DTNBP1: variants seen among roughly 807,000 people sequenced by gnomAD.
DTNBP1 encodes dysbindin.
In DTNBP1, 35 loss-of-function variants were observed where a neutral mutation model predicts 42.8. The ratio of observed to expected loss-of-function variants is 0.82; its 90% confidence interval spans 0.63 to 1.09. DTNBP1 has a LOEUF of 1.09. DTNBP1 is among the 50% of genes least tolerant of loss of function. The probability of loss-of-function intolerance (pLI) is 0.00; values close to 1 mark genes in which losing one functional copy is unlikely to be tolerated. For missense variants in DTNBP1, 457 were observed against 424.2 expected (o/e 1.08, Z -0.68); for synonymous variants, 171 against 162.2 (o/e 1.05, Z -0.41).
chr6:15,561,099 T>C lies in DTNBP1; in HGVS notation c.512-27704A>G, dbSNP rs184468821. ...TGTTACTAGAACCTAGCCTTGTCTG[T>C]TGTTTTTGAGTTTTTCCCTGCAATT... On this transcript the variant is annotated intron_variant, in intron 7 of 9. Transcript: ENST00000344537. Among the ~76,000 whole-genome samples, 28 of 152,322 alleles carry C rather than the reference T, an allele frequency of 1.8e-4. No individual in the cohort carries two copies. In the East Asian group the frequency reaches 3.9e-3, roughly 21 times the overall value.
chr6:15,543,384 C>A (rs900848828), intron 7 of DTNBP1, among the ~76,000 whole-genome samples: 1 of 152,126 alleles, frequency 6.6e-6, no homozygotes, highest in Non-Finnish European at 1.5e-5. Flanking sequence ...TCAGATTTCA[C>A]CAGTCACACA....
At chr6:15,637,100 G>A (rs994446929) in intron 4 of DTNBP1, among the ~76,000 whole-genome samples, 6 of 151,896 alleles carry the variant, frequency 4.0e-5, no homozygotes, top group Non-Finnish European at 5.9e-5. Context: ...TTAGGTAAAT[G>A]GTAAAGAAAA....
intron 3 of DTNBP1, among the ~76,000 whole-genome samples, chr6:15,640,641 A>T (rs1760289416): frequency 3.3e-5 from 5 of 152,152 alleles, no homozygotes; most frequent in African/African-American, 4.8e-5. Flanking sequence ...GTTGTACTAC[A>T]CTCTTTGAAA....
chr6:15,600,250 A>C (rs1776677525), intron 6 of DTNBP1, among the ~76,000 whole-genome samples: 1 of 152,174 alleles, frequency 6.6e-6, no homozygotes, highest in South Asian at 2.1e-4. Context: ...CAAAGATATG[A>C]GGAGACTTTG....
chr6:15,560,846 TAAG>T (rs1011074641), intron 7 of DTNBP1, among the ~76,000 whole-genome samples: 1 of 152,214 alleles, frequency 6.6e-6, no homozygotes, highest in African/African-American at 2.4e-5. Flanking sequence ...AAACCTTTAA[TAAG>T]AAGTCTACTC....
chr6:15,559,703 T>C (rs1695679637), intron 7 of DTNBP1, among the ~76,000 whole-genome samples: 1 of 152,194 alleles, frequency 6.6e-6, no homozygotes, highest in African/African-American at 2.4e-5. Flanking sequence ...CATTGGTCAG[T>C]AGAAACGGCC....
intron 6 of DTNBP1, among the ~76,000 whole-genome samples, chr6:15,607,039 C>G (rs1758101620): frequency 7.1e-6 from 1 of 141,284 alleles, no homozygotes; most frequent in African/African-American, 2.7e-5. Flanking sequence ...GAGACAGAGT[C>G]TCACTCTGTA....
intron 7 of DTNBP1, among the ~76,000 whole-genome samples, chr6:15,559,528 C>T (rs1301711748): frequency 1.3e-5 from 2 of 152,134 alleles, no homozygotes; most frequent in East Asian, 1.9e-4. Flanking sequence ...CAAAGCACTT[C>T]CCAAAGCCAA....
At chr6:15,643,029 A>C (rs1760466282) in intron 3 of DTNBP1, among the ~76,000 whole-genome samples, 1 of 152,234 alleles carries the variant, frequency 6.6e-6, no homozygotes, top group Non-Finnish European at 1.5e-5. Flanking sequence ...ACTCAACAAG[A>C]TCCAGGAAAA....
intron 1 of DTNBP1, among the ~76,000 whole-genome samples, chr6:15,653,765 G>A (rs1392448401): frequency 1.3e-5 from 2 of 152,174 alleles, no homozygotes; most frequent in Admixed American, 1.3e-4. Context: ...AATAGAAACT[G>A]AAAATATAGG....
intron 7 of DTNBP1, among the ~76,000 whole-genome samples, chr6:15,567,366 T>C (rs1225438499): frequency 6.6e-6 from 1 of 152,088 alleles, no homozygotes; most frequent in Non-Finnish European, 1.5e-5. Flanking sequence ...GGTGGGAGGA[T>C]TGCTTAAGCC....
intron 3 of DTNBP1, among the ~76,000 whole-genome samples, chr6:15,647,822 C>T (rs1346840804): frequency 1.3e-5 from 2 of 151,764 alleles, no homozygotes; most frequent in African/African-American, 4.8e-5. Flanking sequence ...GTGAATTCTA[C>T]CAAACATTTA....
chr6:15,653,730 T>C (rs1761139359), intron 1 of DTNBP1, among the ~76,000 whole-genome samples: 1 of 152,218 alleles, frequency 6.6e-6, no homozygotes, highest in African/African-American at 2.4e-5. Context: ...TTCTTCTCAA[T>C]CACTTCAACA....
At chr6:15,636,157 C>CTTTTTTTTTTTTT (rs70996562) in intron 4 of DTNBP1, among the ~76,000 whole-genome samples, 3,376 of 126,326 alleles carry the variant, frequency 0.027, 227 homozygotes, top group African/African-American at 0.062. Context: ...TTACCTGCAC[C>CTTTTTTTTTTTTT]TTTTTTTTTT....
chr6:15,578,895 G>A (rs1247082602), intron 7 of DTNBP1, among the ~76,000 whole-genome samples: 1 of 152,134 alleles, frequency 6.6e-6, no homozygotes, highest in African/African-American at 2.4e-5. Flanking sequence ...AAAAGACAAA[G>A]GGTAAGTGTT....
intron 3 of DTNBP1, among the ~76,000 whole-genome samples, 194 bp downstream of exon 3, chr6:15,651,118 CA>C (rs1360877432): frequency 6.6e-6 from 1 of 152,102 alleles, no homozygotes. Context: ...TCTGTCTGCT[CA>C]AAGTTTGAAT....
chr6:15,662,600 C>T (rs1422566713), intron 1 of DTNBP1, among the ~76,000 whole-genome samples: 3 of 152,090 alleles, frequency 2.0e-5, no homozygotes, highest in African/African-American at 4.8e-5. Context: ...CTGGGGGGTG[C>T]GCGTCACAGG....
intron 7 of DTNBP1, among the ~76,000 whole-genome samples, chr6:15,560,767 C>T (rs553880589): frequency 2.0e-5 from 3 of 152,150 alleles, no homozygotes; most frequent in African/African-American, 7.2e-5. Context: ...TATCTTGGGA[C>T]CCTGAAAGAA....
chr6:15,553,346 C>G (rs73369596), intron 7 of DTNBP1, among the ~76,000 whole-genome samples: 1 of 151,418 alleles, frequency 6.6e-6, no homozygotes, highest in Non-Finnish European at 1.5e-5. Flanking sequence ...GATTTTTAGA[C>G]ATTTGAAAAC....
Sources: gnomAD v4.1 joint callset for allele counts (sites outside exome capture counted in the v4.1 genomes callset) on GRCh38, gnomAD v4.1.1 for gene constraint, MANE v1.5 for transcripts, NCBI Gene and HGNC (gene_info 2026-07-23, HGNC 2026-07-21) for gene names.